The following VWC2L variants were observed in gnomAD, a reference collection of about 807,000 sequenced individuals.
The protein encoded by VWC2L is von Willebrand factor C domain-containing protein 2-like.
In VWC2L, 10 loss-of-function variants were observed where a neutral mutation model predicts 21.6. The ratio of observed to expected loss-of-function variants is 0.46; its 90% confidence interval spans 0.29 to 0.78. The LOEUF (loss-of-function observed/expected upper bound fraction) is 0.78, where lower values mean the gene tolerates loss of function less well. VWC2L is among the 30% of genes least tolerant of loss of function. VWC2L has a pLI of 0.10. For synonymous variants in VWC2L, 96 were observed against 94.3 expected, an observed-to-expected ratio of 1.02 and a Z score of -0.10; for missense variants, 209 against 277.1, an observed-to-expected ratio of 0.75 and a Z score of 1.74.
chr2:214,517,632 A>G (rs921528868), intron 3 of VWC2L, among the ~76,000 whole-genome samples: 5 of 152,210 alleles, frequency 3.3e-5, no homozygotes, highest in African/African-American at 9.7e-5. Flanking sequence ...TTATAGAAAG[A>G]TTCCATGGGG....
intron 3 of VWC2L, among the ~76,000 whole-genome samples, chr2:214,516,810 A>G (rs1689151612): frequency 6.6e-6 from 1 of 152,176 alleles, no homozygotes; most frequent in Admixed American, 6.5e-5. Flanking sequence ...TCTAGCAACT[A>G]TGAGCCCTGT....
chr2:214,434,788 A>G (rs925632406), intron 2 of VWC2L, among the ~76,000 whole-genome samples: 2 of 152,310 alleles, frequency 1.3e-5, no homozygotes, highest in East Asian at 1.9e-4. Context: ...CTTAAAGACT[A>G]TAGTTATTTT....
At chr2:214,472,638 T>A (rs1321143550) in intron 3 of VWC2L, among the ~76,000 whole-genome samples, 1 of 152,198 alleles carries the variant, frequency 6.6e-6, no homozygotes, top group African/African-American at 2.4e-5. Flanking sequence ...CAGGTTAAAG[T>A]AGACCTAGAG....
At chr2:214,481,702 A>G (rs1172263425) in intron 3 of VWC2L, among the ~76,000 whole-genome samples, 1 of 152,208 alleles carries the variant, frequency 6.6e-6, no homozygotes, top group Non-Finnish European at 1.5e-5. Context: ...AATTTTACAC[A>G]AATTCTATAG....
At chr2:214,499,297 C>A (rs1023567491) in intron 3 of VWC2L, among the ~76,000 whole-genome samples, 5 of 152,058 alleles carry the variant, frequency 3.3e-5, no homozygotes, top group African/African-American at 1.2e-4. Context: ...GGATTACAGG[C>A]ATGAGCCACT....
At chr2:214,504,612 G>A (rs556935536) in intron 3 of VWC2L, among the ~76,000 whole-genome samples, 34 of 152,140 alleles carry the variant, frequency 2.2e-4, no homozygotes, top group Non-Finnish European at 2.8e-4. Context: ...GCTGAAAATC[G>A]TACCCCAGTA....
At chr2:214,575,188 A>C (rs1307497079) in intron 3 of VWC2L, among the ~76,000 whole-genome samples, 2 of 152,162 alleles carry the variant, frequency 1.3e-5, no homozygotes, top group East Asian at 3.9e-4. Flanking sequence ...GGATTCCAGG[A>C]ACTGGGCTGG....
intron 2 of VWC2L, among the ~76,000 whole-genome samples, chr2:214,429,675 T>C (rs1237727321): frequency 1.3e-5 from 2 of 152,116 alleles, no homozygotes; most frequent in Non-Finnish European, 2.9e-5. Context: ...TTTATTGTCA[T>C]GAGACTCCTT....
chr2:214,477,243 A>G (rs1442683605), intron 3 of VWC2L, among the ~76,000 whole-genome samples: 4 of 152,202 alleles, frequency 2.6e-5, no homozygotes, highest in African/African-American at 9.6e-5. Context: ...AGTTCTTACT[A>G]TCCTATAGCA....
chr2:214,456,165 TA>T (rs1434494099), intron 3 of VWC2L, among the ~76,000 whole-genome samples: 1 of 152,022 alleles, frequency 6.6e-6, no homozygotes, highest in Non-Finnish European at 1.5e-5. Context: ...TAACAGTGTA[TA>T]AGCTTCCTTT....
At chr2:214,438,887 A>C (rs2126179603) in intron 3 of VWC2L, among the ~76,000 whole-genome samples, 2 of 152,142 alleles carry the variant, frequency 1.3e-5, no homozygotes, top group Admixed American at 6.6e-5. Context: ...AGGTATGTTA[A>C]GTTTTCTGAT....
At chr2:214,514,701 T>G (rs566060580) in intron 3 of VWC2L, among the ~76,000 whole-genome samples, 1 of 152,212 alleles carries the variant, frequency 6.6e-6, no homozygotes, top group African/African-American at 2.4e-5. Context: ...CAGCCCACTA[T>G]CTAATGATGA....
intron 3 of VWC2L, among the ~76,000 whole-genome samples, chr2:214,444,025 C>T: frequency 6.6e-6 from 1 of 151,976 alleles, no homozygotes; most frequent in East Asian, 1.9e-4. Flanking sequence ...TTTATATATA[C>T]ACATATACAT....
At chr2:214,429,412 C>T (rs1311420297) in intron 2 of VWC2L, among the ~76,000 whole-genome samples, 4 of 152,126 alleles carry the variant, frequency 2.6e-5, no homozygotes, top group African/African-American at 4.8e-5. Context: ...ATCAAAACCT[C>T]GATTTTATAT....
intron 3 of VWC2L, among the ~76,000 whole-genome samples, chr2:214,549,846 G>A (rs916033078): frequency 7.2e-5 from 11 of 152,084 alleles, no homozygotes; most frequent in Non-Finnish European, 1.5e-4. Flanking sequence ...TGAGATCTGG[G>A]TAGAATTATA....
chr2:214,501,252 T>A (rs569073923), intron 3 of VWC2L, among the ~76,000 whole-genome samples: 5 of 152,200 alleles, frequency 3.3e-5, no homozygotes, highest in Admixed American at 6.5e-5. Flanking sequence ...CCACCTTCCC[T>A]CTGATGAAGT....
At chr2:214,486,388 G>A (rs968267694) in intron 3 of VWC2L, among the ~76,000 whole-genome samples, 1 of 152,170 alleles carries the variant, frequency 6.6e-6, no homozygotes, top group Non-Finnish European at 1.5e-5. Context: ...TTAGGAGACT[G>A]GGGGTAAAAA....
intron 3 of VWC2L, among the ~76,000 whole-genome samples, chr2:214,562,344 T>C (rs2105930063): frequency 6.6e-6 from 1 of 152,352 alleles, no homozygotes; most frequent in East Asian, 1.9e-4. Context: ...AATGGCTGCA[T>C]AGTATTCCAT....
rs1440771070 is a variant in VWC2L at position 214,576,792 on chromosome 2, A to G, written c.*972A>G. ...ATTTGGCTAAAAGTCAGTAGTACAC[A>G]CTGGCAGTTTTTGTGGTTCGGGACT... is the stretch of plus-strand genomic sequence containing the variant. On this transcript the variant is annotated 3_prime_UTR_variant, in exon 4 of 4. Transcript: ENST00000312504. The G allele has an allele frequency of 6.6e-6, 1 of 152,132 alleles. No homozygotes were observed. The highest frequency in any genetic ancestry group is 1.5e-5 in the Non-Finnish European group (1 of 68,032). 9.4% of individuals were successfully genotyped at this position (152,132 alleles called of 1,614,324 possible).
Sources: allele counts gnomAD v4.1 joint callset (sites outside exome capture counted in the v4.1 genomes callset), GRCh38; gene constraint gnomAD v4.1.1; transcripts MANE v1.5; gene names NCBI Gene and HGNC (gene_info 2026-07-23, HGNC 2026-07-21).